Variants in ZNF805 observed in about 807,000 individuals in gnomAD.
The protein encoded by ZNF805 is zinc finger protein 805.
ZNF805 carries 7 observed loss-of-function variants against 13.6 expected under a neutral mutation model. The observed-to-expected ratio is 0.51, with a 90% CI of 0.29 to 0.97. The LOEUF (loss-of-function observed/expected upper bound fraction) is 0.97, where lower values mean the gene tolerates loss of function less well. Ranked by LOEUF, ZNF805 falls within the 50% of genes least tolerant of loss-of-function variation. The pLI is 0.08. For missense variants in ZNF805, 604 were observed against 771.0 expected (o/e 0.78, Z 2.57); for synonymous variants, 293 against 279.8 (o/e 1.05, Z -0.47).
At position 57,260,482 on chromosome 19, in the gene ZNF805, C is replaced by G. The variant is rs1374241647; in HGVS notation, c.*5779C>G. 5.3e-5 allele frequency among the ~76,000 whole-genome samples: 8 copies of G among 152,014 alleles called. No individual in the cohort carries two copies. The highest frequency in any genetic ancestry group is 5.2e-4 in the Admixed American group (8 of 15,246). On this transcript the variant is annotated 3_prime_UTR_variant, in exon 4 of 4. Transcript: ENST00000414468. ...ACGTCTCAGAAAGGTCCCTTTTGAC[C>G]CCCTCACTCTCTTTTTGGACCTCCA...
intron 2 of ZNF805, among the ~76,000 whole-genome samples, chr19:57,246,789 A>G (rs894800243): frequency 1.3e-4 from 20 of 152,150 alleles, no homozygotes; most frequent in East Asian, 7.7e-4. Flanking sequence ...AAAAAAAAAA[A>G]AAAAGAAAAG....
At chr19:57,244,673 A>G (rs1335012844) in intron 2 of ZNF805, among the ~76,000 whole-genome samples, 3 of 152,194 alleles carry the variant, frequency 2.0e-5, no homozygotes, top group African/African-American at 7.2e-5. Context: ...GGGTTGAAGT[A>G]GGAACTGAGA....
chr19:57,241,268 T>C (rs2087578250), intron 1 of ZNF805, among the ~76,000 whole-genome samples: 1 of 152,082 alleles, frequency 6.6e-6, no homozygotes, highest in African/African-American at 2.4e-5. Context: ...TCTGGTGACA[T>C]TTCAGGAGGC....
chr19:57,242,928 A>G (rs1022937915), intron 1 of ZNF805, among the ~76,000 whole-genome samples: 4 of 152,182 alleles, frequency 2.6e-5, no homozygotes, highest in Admixed American at 2.0e-4. Context: ...TGCTTATAAC[A>G]TGTAAAACTC....
At position 57,256,292 on chromosome 19, in the gene ZNF805, C is replaced by T. The variant is rs1001912912; in HGVS notation, c.*1589C>T. Among the ~76,000 whole-genome samples, 1 of 152,072 alleles carries T rather than the reference C, an allele frequency of 6.6e-6. No homozygotes were observed. Among genetic ancestry groups the T allele is most frequent in the African/African-American group, 2.4e-5 (1 of 41,436 alleles). On this transcript the variant is annotated 3_prime_UTR_variant, in exon 4 of 4. Transcript: ENST00000414468. ...TTCATGAGTGATAATCTGTAGTTTT[C>T]TTTCTTCAACTGTTACTGTTTGGTT... is the stretch of plus-strand genomic sequence containing the variant.
At chr19:57,248,762 T>C in intron 3 of ZNF805, 62 bp downstream of exon 3, 1 of 1,401,276 alleles carries the variant, frequency 7.1e-7, no homozygotes, top group Admixed American at 2.0e-5. Flanking sequence ...AGGAGACCAC[T>C]GGCCCTGGGA....
chr19:57,251,990 C>T (rs2087654969), intron 3 of ZNF805, among the ~76,000 whole-genome samples: 1 of 152,304 alleles, frequency 6.6e-6, no homozygotes. Flanking sequence ...AGTGGTACCT[C>T]TGCCTTATGA....
chr19:57,248,975 C>T (rs2087635801), intron 3 of ZNF805, among the ~76,000 whole-genome samples: 1 of 152,130 alleles, frequency 6.6e-6, no homozygotes, highest in African/African-American at 2.4e-5. Flanking sequence ...CTCTGTGACC[C>T]CAGTGAAGTT....
chr19:57,254,420 C>G lies in ZNF805; in HGVS notation c.1601C>G (p.Thr534Ser). Residue 534 changes from threonine to serine, a missense_variant, in exon 4 of 4, where the codon ACT becomes AGT. By Grantham distance (58) the Thr-to-Ser change is moderately conservative (BLOSUM62 1). Around this residue, in one of 3 missense-constraint regions of ZNF805, gnomAD observed 228 missense variants for 352.8 expected, o/e 0.65. Transcript: ENST00000414468. ...CTCATTCGACACTCTATCATCCACA[C>G]TGGAGAGAAGCCGTATGAGTGCAGT... The part of the protein sequence containing the change: ...TNLIRHSIIH[T>S]GEKPYECSEC... 6.2e-7 allele frequency: 1 copy of G among 1,614,168 alleles called. No individual in the cohort carries two copies. The highest frequency in any genetic ancestry group is 8.5e-7 in the Non-Finnish European group (1 of 1,180,032).
chr19:57,245,389 C>T (rs2087606640), intron 2 of ZNF805, among the ~76,000 whole-genome samples: 1 of 152,128 alleles, frequency 6.6e-6, no homozygotes, highest in South Asian at 2.1e-4. Flanking sequence ...CTCCCTTTAC[C>T]TTTTTAATGT....
intron 2 of ZNF805, among the ~76,000 whole-genome samples, chr19:57,244,543 A>G (rs1216316402): frequency 6.6e-6 from 1 of 152,064 alleles, no homozygotes; most frequent in Non-Finnish European, 1.5e-5. Context: ...GTCTCCATGC[A>G]TCGCTTTGGA....
In ZNF805 at chr19:57,254,068, C is replaced by T; in HGVS notation, c.1249C>T (p.His417Tyr). 2 of 1,613,600 alleles carry T rather than the reference C, an allele frequency of 1.2e-6. No individual in the cohort carries two copies. Among genetic ancestry groups the T allele is most frequent in the Non-Finnish European group, 1.7e-6 (2 of 1,179,802 alleles). ...AFNHRSYLKR[H>Y]QRIHTGEKPY... ...CAACCACCGATCCTACCTCAAAAGG[C>T]ACCAGCGGATTCACACTGGGGAGAA... The change falls in exon 4 of 4, where the codon CAC (histidine) becomes TAC (tyrosine). Residue 417 changes from histidine (H) to tyrosine (Y), a missense_variant. This residue lies in a region of ZNF805 where 228 missense variants were observed against 352.8 expected (regional missense o/e 0.65). Coordinates refer to ENST00000414468, the MANE Select transcript of ZNF805 (RefSeq NM_001023563.4).
rs61736511 is a variant in ZNF805, at chr19:57,254,446, G to C, written c.1627G>C (p.Glu543Gln). 6,252 of 1,614,238 alleles carry C rather than the reference G, an allele frequency of 3.9e-3. 208 individuals are homozygous for C. In the African/African-American group the frequency reaches 0.068, roughly 18 times the overall value. The change falls in exon 4 of 4, where the codon GAA becomes CAA. Residue 543 changes from glutamate (E) to glutamine (Q), a missense_variant. By Grantham distance (29) the Glu-to-Gln change is conservative. Around this residue, in one of 3 missense-constraint regions of ZNF805, gnomAD observed 228 missense variants for 352.8 expected, o/e 0.65. Coordinates refer to ENST00000414468, the MANE Select transcript of ZNF805 (RefSeq NM_001023563.4). The stretch of plus-strand genomic sequence containing the variant: ...TGGAGAGAAGCCGTATGAGTGCAGT[G>C]AATGTGGAAAGGCCTTCAGTCGCAG... ...HTGEKPYECS[E>Q]CGKAFSRSSS...
chr19:57,243,688 G>T (rs948797648), intron 1 of ZNF805, among the ~76,000 whole-genome samples: 1 of 152,120 alleles, frequency 6.6e-6, no homozygotes. Flanking sequence ...CGCCATCCAC[G>T]AGTTATTGCC....
chr19:57,256,900 C>A lies in ZNF805; in HGVS notation c.*2197C>A, dbSNP rs994098672. ...GGATGTTTAGGTTATTGATTTGAGG[C>A]TTTTTTTCTTTTTTAATATAAGCTT... On this transcript the variant is annotated 3_prime_UTR_variant, in exon 4 of 4. Coordinates refer to ENST00000414468, the MANE Select transcript of ZNF805 (RefSeq NM_001023563.4). 1.2e-4 allele frequency among the ~76,000 whole-genome samples: 18 copies of A among 151,888 alleles called. No individual in the cohort carries two copies. Among genetic ancestry groups the A allele is most frequent in the African/African-American group, 4.1e-4 (17 of 41,380 alleles).
chr19:57,257,575 G>A lies in ZNF805; in HGVS notation c.*2872G>A, dbSNP rs2087695124. ...TTTGTGTGGTCAGTCTTACGTTTTG[G>A]TTAATGCTTGCATGATTTACACTTC... On this transcript the variant is annotated 3_prime_UTR_variant, in exon 4 of 4. Transcript: ENST00000414468. Among the ~76,000 whole-genome samples, 12 of 151,430 alleles carry A rather than the reference G, an allele frequency of 7.9e-5. No homozygotes were observed. Among genetic ancestry groups the A allele is most frequent in the Admixed American group, 7.9e-4 (12 of 15,184 alleles).
At position 57,261,601 on chromosome 19, in the gene ZNF805, C is replaced by A. The variant is rs1388087780; in HGVS notation, c.*6898C>A. The A allele has an allele frequency of 6.0e-6, 1 of 167,012 alleles. No individual in the cohort carries two copies. The highest frequency in any genetic ancestry group is 2.4e-5 in the African/African-American group (1 of 41,434). 10.3% of individuals were successfully genotyped at this position (167,012 alleles called of 1,614,324 possible). On this transcript the variant is annotated 3_prime_UTR_variant, in exon 4 of 4. Transcript: ENST00000414468. ...ATTATTATTTTCAGTTCCCTCAGCG[C>A]GTTTACCACAAAGCTGTGCATATAG...
At chr19:57,250,148 C>T (rs2122837537) in intron 3 of ZNF805, among the ~76,000 whole-genome samples, 1 of 152,352 alleles carries the variant, frequency 6.6e-6, no homozygotes, top group South Asian at 2.1e-4. Flanking sequence ...GTCCCTGCAT[C>T]CAGCCTATCT....
Position 57,254,950 on chromosome 19 carries a change from G to A in ZNF805, c.*247G>A, listed in dbSNP as rs2087678649. ...GAAATGCAGACACTGCTTTTATACT[G>A]TTGTCTTGTATGTACATTTCTGTCC... is the stretch of plus-strand genomic sequence containing the variant. On this transcript the variant is annotated 3_prime_UTR_variant, in exon 4 of 4. Transcript: ENST00000414468. 2.1e-6 allele frequency: 1 copy of A among 470,312 alleles called. No homozygotes were observed. Among genetic ancestry groups the A allele is most frequent in the African/African-American group, 2.0e-5 (1 of 50,346 alleles). 29.1% of individuals were successfully genotyped at this position (470,312 alleles called of 1,614,324 possible). A position where few individuals can be genotyped will look rare whatever the true frequency, so the allele number is the denominator to read the frequency against.
Sources: gnomAD v4.1 joint callset for allele counts (sites outside exome capture counted in the v4.1 genomes callset) on GRCh38, gnomAD v4.1.1 for gene constraint, gnomAD v4.1.1 regional missense constraint, MANE v1.5 for transcripts, NCBI Gene and HGNC (gene_info 2026-07-23, HGNC 2026-07-21) for gene names.